Variants in MMP16 observed in about 807,000 individuals in gnomAD.
MMP16 encodes the protein matrix metallopeptidase 16.
Under a neutral mutation model 67.8 loss-of-function variants are expected in MMP16, and 12 were observed. That is an observed-to-expected ratio of 0.18 (90% CI 0.11 to 0.29). The LOEUF (loss-of-function observed/expected upper bound fraction) is 0.29, where lower values mean the gene tolerates loss of function less well. Among genes scored for constraint, MMP16 ranks in the 10% least tolerant of loss-of-function variants. The pLI, the probability that MMP16 is intolerant of heterozygous loss-of-function variation, is 1.00. For missense variants in MMP16, 475 were observed against 765.7 expected (o/e 0.62, Z 4.48); for synonymous variants, 249 against 255.9 (o/e 0.97, Z 0.26).
At chr8:88,095,446 T>C (rs1809010113) in intron 6 of MMP16, among the ~76,000 whole-genome samples, 1 of 151,764 alleles carries the variant, frequency 6.6e-6, no homozygotes, top group Non-Finnish European at 1.5e-5. Flanking sequence ...ATCCGTACCA[T>C]GGGGAAAGGA....
chr8:88,139,640 A>T (rs1378045754), intron 4 of MMP16, among the ~76,000 whole-genome samples: 1 of 152,144 alleles, frequency 6.6e-6, no homozygotes, highest in Non-Finnish European at 1.5e-5. Context: ...TGAGCAGAAG[A>T]ATCAAAGTTA....
At chr8:88,138,804 G>A (rs1563543186) in intron 4 of MMP16, among the ~76,000 whole-genome samples, 1 of 151,880 alleles carries the variant, frequency 6.6e-6, no homozygotes, top group Non-Finnish European at 1.5e-5. Flanking sequence ...TTATATCTCT[G>A]AATACACACA....
At chr8:88,322,031 T>C (rs7837860) in intron 1 of MMP16, among the ~76,000 whole-genome samples, 39,306 of 151,848 alleles carry the variant, frequency 0.26, 5,401 homozygotes, top group African/African-American at 0.35. Flanking sequence ...TTCTTATCCC[T>C]CCCTATACAT....
chr8:88,107,789 T>C (rs1809267724), intron 6 of MMP16, among the ~76,000 whole-genome samples: 1 of 151,094 alleles, frequency 6.6e-6, no homozygotes, highest in Non-Finnish European at 1.5e-5. Flanking sequence ...GAGAAATTCA[T>C]CTGCATTTAA....
chr8:88,209,525 T>C (rs1235643114), intron 1 of MMP16, among the ~76,000 whole-genome samples: 1 of 152,134 alleles, frequency 6.6e-6, no homozygotes, highest in African/African-American at 2.4e-5. Flanking sequence ...GGAAGTCAAA[T>C]GTTATATGCC....
intron 5 of MMP16, among the ~76,000 whole-genome samples, chr8:88,118,155 GT>G (rs758875350): frequency 2.0e-5 from 3 of 151,904 alleles, no homozygotes; most frequent in Non-Finnish European, 4.4e-5. Context: ...TCACTCCCTT[GT>G]TTGTTAACTC....
Position 88,318,591 on chromosome 8 carries a change from G to A in MMP16, c.132+8484C>T, listed in dbSNP as rs376155173. ...TTTATTCGTTTGGAAGCCTGGGTAC[G>A]ACAGTCAGCCTGTCTGCTTTGATTT... On this transcript the variant is annotated intron_variant, in intron 1 of 9. Transcript: ENST00000286614. 2.3e-4 allele frequency among the ~76,000 whole-genome samples: 35 copies of A among 152,190 alleles called. 2 individuals are homozygous for A. Among genetic ancestry groups the A allele is most frequent in the Middle Eastern group, 3.4e-3 (1 of 292 alleles).
chr8:88,245,339 T>C (rs1810097539), intron 1 of MMP16, among the ~76,000 whole-genome samples: 1 of 152,296 alleles, frequency 6.6e-6, no homozygotes, highest in African/African-American at 2.4e-5. Flanking sequence ...GTATATGACC[T>C]TAGCCATTCC....
chr8:88,189,553 C>T (rs1809133446), intron 2 of MMP16, among the ~76,000 whole-genome samples: 1 of 152,160 alleles, frequency 6.6e-6, no homozygotes. Context: ...ACAATACTAA[C>T]AATACATTTT....
chr8:88,225,317 A>G (rs1399616049), intron 1 of MMP16, among the ~76,000 whole-genome samples: 1 of 152,016 alleles, frequency 6.6e-6, no homozygotes, highest in Non-Finnish European at 1.5e-5. Context: ...AAATGCATAC[A>G]GACTGTGTTT....
At chr8:88,124,452 G>T (rs747873013) in intron 4 of MMP16, among the ~76,000 whole-genome samples, 1 of 151,854 alleles carries the variant, frequency 6.6e-6, no homozygotes, top group Non-Finnish European at 1.5e-5. Flanking sequence ...AGAAACTTAT[G>T]TAAGCCCCCA....
intron 1 of MMP16, among the ~76,000 whole-genome samples, chr8:88,271,936 T>G (rs2129973962): frequency 6.6e-6 from 1 of 152,322 alleles, no homozygotes; most frequent in South Asian, 2.1e-4. Flanking sequence ...AAGGCAGAAT[T>G]TGAACATTGG....
At chr8:88,157,374 C>T (rs1034280574) in intron 4 of MMP16, among the ~76,000 whole-genome samples, 1 of 151,586 alleles carries the variant, frequency 6.6e-6, no homozygotes, top group Non-Finnish European at 1.5e-5. Flanking sequence ...AATATTAAAC[C>T]ATCTTATATA....
At chr8:88,282,285 A>T (rs1396548487) in intron 1 of MMP16, among the ~76,000 whole-genome samples, 1 of 152,024 alleles carries the variant, frequency 6.6e-6, no homozygotes, top group East Asian at 1.9e-4. Flanking sequence ...ATGTTGGTCA[A>T]GCTGGCCTCG....
chr8:88,123,903 C>A (rs1340289699), intron 4 of MMP16, among the ~76,000 whole-genome samples: 1 of 151,920 alleles, frequency 6.6e-6, no homozygotes, highest in African/African-American at 2.4e-5. Context: ...CCCTGCCCAC[C>A]ATCCCTGCCC....
intron 1 of MMP16, among the ~76,000 whole-genome samples, chr8:88,263,556 G>A (rs1043993164): frequency 6.6e-6 from 1 of 152,210 alleles, no homozygotes; most frequent in African/African-American, 2.4e-5. Flanking sequence ...GTAACAGCAG[G>A]GGTGTTTCCT....
chr8:88,173,018 A>G (rs1310308616), intron 3 of MMP16, among the ~76,000 whole-genome samples: 1 of 152,174 alleles, frequency 6.6e-6, no homozygotes, highest in Non-Finnish European at 1.5e-5. Flanking sequence ...ACAATTTTAC[A>G]TATTAGTAAT....
intron 7 of MMP16, among the ~76,000 whole-genome samples, chr8:88,068,173 G>A (rs1808486980): frequency 6.6e-6 from 1 of 152,050 alleles, no homozygotes; most frequent in Admixed American, 6.6e-5. Context: ...ATAATGTAAA[G>A]CATCTTTTCA....
intron 1 of MMP16, among the ~76,000 whole-genome samples, chr8:88,245,370 G>A (rs143842305): frequency 1.3e-5 from 2 of 152,250 alleles, no homozygotes; most frequent in African/African-American, 2.4e-5. Context: ...GACATTCTGA[G>A]TATGGAAGTC....
Sources: gnomAD v4.1 joint callset for allele counts (sites outside exome capture counted in the v4.1 genomes callset) on GRCh38, gnomAD v4.1.1 for gene constraint, MANE v1.5 for transcripts, NCBI Gene and HGNC (gene_info 2026-07-23, HGNC 2026-07-21) for gene names.